The following ZSCAN25 variants were observed in gnomAD, a reference collection of about 807,000 sequenced individuals.
ZSCAN25 encodes the protein zinc finger and SCAN domain containing 25.
In ZSCAN25, 27 loss-of-function variants were observed where a neutral mutation model predicts 38.7. The ratio of observed to expected loss-of-function variants is 0.70; its 90% CI spans 0.51 to 0.96. ZSCAN25 has a LOEUF of 0.96. Ranked by LOEUF, ZSCAN25 falls within the 40% of genes least tolerant of loss-of-function variation. The probability of loss-of-function intolerance (pLI) is 0.00; values close to 1 mark genes in which losing one functional copy is unlikely to be tolerated. For missense variants in ZSCAN25, 637 were observed against 705.9 expected (o/e 0.90, Z 1.11); for synonymous variants, 273 against 277.7 (o/e 0.98, Z 0.17).
chr7:99,700,274 T>TA, the ZSCAN25 span, among the ~76,000 whole-genome samples: 2 of 152,192 alleles, frequency 1.3e-5, no homozygotes, highest in Admixed American at 6.5e-5. Flanking sequence ...ATAAACAACT[T>TA]AATCAGTTTT....
the ZSCAN25 span, chr7:99,638,811 C>T: frequency 7.7e-6 from 6 of 775,990 alleles, no homozygotes; most frequent in Non-Finnish European, 1.3e-5. Context: ...GTCCTGGGTC[C>T]CCTCAGCCAA....
chr7:99,650,124 A>G, the ZSCAN25 span: 61 of 1,614,054 alleles, frequency 3.8e-5, 1 homozygote, highest in Non-Finnish European at 4.6e-5. Flanking sequence ...CTCTGATTAG[A>G]GCAAGTTTCA....
chr7:99,714,574 C>T, the ZSCAN25 span: 68 of 1,612,706 alleles, frequency 4.2e-5, no homozygotes, highest in Non-Finnish European at 5.1e-5. Flanking sequence ...CTCTTTGAGG[C>T]GACCTTCTTT....
Position 99,632,317 on chromosome 7 carries a change from A to AG in ZSCAN25, c.*2297_*2298insG, listed in dbSNP as rs1234377507. On this transcript the variant is annotated 3_prime_UTR_variant, in exon 8 of 8. Coordinates refer to ENST00000394152, the MANE Select transcript of ZSCAN25 (RefSeq NM_145115.3). Reference sequence around the variant, plus strand: ...TTTTCTGTATTTTTCTATTCTTTAGAAATTTTTTTATAATAGATAATTTCA... The same window carrying AG: ...TTTTCTGTATTTTTCTATTCTTTAGAGAATTTTTTTATAATAGATAATTTCA... 51 of 888,760 alleles carry AG rather than the reference A, an allele frequency of 5.7e-5. No homozygotes were observed. The Admixed American group carries it at 3.1e-3, about 54-fold the overall frequency. The allele number at this position is 888,760 out of a possible 1,614,324, so 55.1% of individuals were successfully genotyped here.
chr7:99,681,361 G>A, the ZSCAN25 span, among the ~76,000 whole-genome samples: 2 of 152,266 alleles, frequency 1.3e-5, no homozygotes, highest in Admixed American at 1.3e-4. Flanking sequence ...TCTATTTAAT[G>A]TTAATTTTAA....
chr7:99,722,195 G>C, the ZSCAN25 span: 3 of 1,455,530 alleles, frequency 2.1e-6, no homozygotes, highest in Non-Finnish European at 2.9e-6. Flanking sequence ...GCTGGCAAGA[G>C]CTTCATCGCA....
the ZSCAN25 span, among the ~76,000 whole-genome samples, chr7:99,731,312 A>C: frequency 6.6e-6 from 1 of 152,340 alleles, no homozygotes; most frequent in South Asian, 2.1e-4. Context: ...ATATTTGTTC[A>C]TCAGGTCCTT....
At chr7:99,654,561 T>A in the ZSCAN25 span, among the ~76,000 whole-genome samples, 1 of 152,242 alleles carries the variant, frequency 6.6e-6, no homozygotes, top group Admixed American at 6.5e-5. Context: ...TGTGTGTTTA[T>A]AGCAGGATGA....
the ZSCAN25 span, among the ~76,000 whole-genome samples, chr7:99,718,659 A>G: frequency 1.3e-5 from 2 of 152,204 alleles, no homozygotes; most frequent in African/African-American, 2.4e-5. Context: ...TTTATTTGAC[A>G]TTATACTGGG....
the ZSCAN25 span, among the ~76,000 whole-genome samples, chr7:99,643,144 G>A: frequency 6.6e-6 from 1 of 152,086 alleles, no homozygotes; most frequent in African/African-American, 2.4e-5. Context: ...ATAGGATCGA[G>A]TTTACACTTC....
the ZSCAN25 span, among the ~76,000 whole-genome samples, chr7:99,641,271 A>G: frequency 6.6e-6 from 1 of 152,160 alleles, no homozygotes; most frequent in Non-Finnish European, 1.5e-5. Context: ...CCTTCTTCAT[A>G]TGGCAGCAGG....
rs114972828 is a variant in ZSCAN25, at chr7:99,624,620, C to T, written c.805+440C>T. 4.1e-3 allele frequency: 762 copies of T among 183,714 alleles called. 2 individuals carry two copies. The highest frequency in any genetic ancestry group is 0.016 in the African/African-American group (707 of 43,332). 11.4% of individuals were successfully genotyped at this position (183,714 alleles called of 1,614,324 possible). A position where few individuals can be genotyped will look rare whatever the true frequency, so the allele number is the denominator to read the frequency against. On this transcript the variant is annotated intron_variant, in intron 7 of 7. Transcript: ENST00000394152. ...ACGTGCACGAAAGCGTTGGAGCTCA[C>T]GGTGTGCACGTAGGAGGGCACGAGG...
At chr7:99,618,862 A>C (rs191472448) in intron 2 of ZSCAN25, among the ~76,000 whole-genome samples, 186 bp from the exon 3 acceptor site, 33 of 152,226 alleles carry the variant, frequency 2.2e-4, no homozygotes, top group African/African-American at 7.7e-4. Flanking sequence ...CTGAAGCCAC[A>C]CTGGGATATG....
the ZSCAN25 span, chr7:99,649,992 A>G: frequency 6.6e-7 from 1 of 1,516,216 alleles, no homozygotes; most frequent in Non-Finnish European, 9.0e-7. Flanking sequence ...TTATTAAAAG[A>G]TAAACATGCA....
At chr7:99,702,690 A>T in the ZSCAN25 span, among the ~76,000 whole-genome samples, 3 of 152,134 alleles carry the variant, frequency 2.0e-5, no homozygotes, top group Non-Finnish European at 4.4e-5. Context: ...AGATTTCTCC[A>T]GTTTTGTTCT....
the ZSCAN25 span, chr7:99,685,113 G>A: frequency 6.6e-7 from 1 of 1,505,094 alleles, no homozygotes; most frequent in Non-Finnish European, 9.2e-7. Context: ...CTTTTTTGAA[G>A]AGCAAAGCAG....
the ZSCAN25 span, chr7:99,638,323 A>G: frequency 1.2e-6 from 2 of 1,605,814 alleles, no homozygotes; most frequent in Non-Finnish European, 1.7e-6. Flanking sequence ...TGCCCATACC[A>G]GTTCCTGTCC....
chr7:99,726,529 T>A, the ZSCAN25 span, among the ~76,000 whole-genome samples: 1 of 152,204 alleles, frequency 6.6e-6, no homozygotes, highest in Non-Finnish European at 1.5e-5. Flanking sequence ...GATGCTTTTT[T>A]CACTATTCCC....
the ZSCAN25 span, among the ~76,000 whole-genome samples, chr7:99,715,181 A>G: frequency 2.0e-5 from 3 of 152,258 alleles, no homozygotes; most frequent in African/African-American, 7.2e-5. Flanking sequence ...TGAAGTAGAA[A>G]TTAAAAGGGC....
Sources: allele counts gnomAD v4.1 joint callset (sites outside exome capture counted in the v4.1 genomes callset), GRCh38; gene constraint gnomAD v4.1.1; transcripts MANE v1.5; gene names NCBI Gene and HGNC (gene_info 2026-07-23, HGNC 2026-07-21).